The following ANKH variants were observed in gnomAD, a reference collection of about 807,000 sequenced individuals.
ANKH encodes the protein ANKH inorganic pyrophosphate transport regulator, also known as mineralization regulator ANKH.
In ANKH, 15 loss-of-function variants were observed where a neutral mutation model predicts 49.0. That is an observed-to-expected ratio of 0.31 (90% CI 0.20 to 0.47). ANKH has a LOEUF of 0.47. ANKH is among the 20% of genes least tolerant of loss of function. ANKH has a pLI of 1.00. For missense variants in ANKH, 429 were observed against 652.0 expected, an observed-to-expected ratio of 0.66 and a Z score of 3.72; for synonymous variants, 273 against 260.0, an observed-to-expected ratio of 1.05 and a Z score of -0.48.
At chr5:14,718,627 A>G (rs917315475) in intron 8 of ANKH, among the ~76,000 whole-genome samples, 2 of 152,176 alleles carry the variant, frequency 1.3e-5, no homozygotes, top group Non-Finnish European at 2.9e-5. Flanking sequence ...CCTGGCCAAC[A>G]TGGAGAAACC....
At position 14,737,486 on chromosome 5, in the gene ANKH, A is replaced by C. The variant is rs188577481; in HGVS notation, c.1011+4341T>G. Among the ~76,000 whole-genome samples, 414 of 152,290 alleles carry C rather than the reference A, an allele frequency of 2.7e-3. 3 individuals are homozygous for C. Among genetic ancestry groups the C allele is most frequent in the African/African-American group, 9.1e-3 (377 of 41,564 alleles). ...TCTACCTAGAGAAGCACAGCCTTTT[A>C]GGGCACACTCACTGTCACTGTGTTC... On this transcript the variant is annotated intron_variant, in intron 8 of 11. Transcript: ENST00000284268. This position sits in a 1 kb window ranked among gnomAD's most constrained non-coding sequence, Gnocchi z 5.0.
intron 1 of ANKH, among the ~76,000 whole-genome samples, chr5:14,776,376 G>A (rs1380349794): frequency 1.3e-5 from 2 of 152,152 alleles, no homozygotes; most frequent in Non-Finnish European, 2.9e-5. Context: ...TCTGGGCTAT[G>A]GATATACATT....
At chr5:14,767,832 A>G (rs975488424) in intron 2 of ANKH, among the ~76,000 whole-genome samples, 3 of 152,154 alleles carry the variant, frequency 2.0e-5, no homozygotes, top group Non-Finnish European at 4.4e-5. Context: ...GGCTCAGGTC[A>G]AATGTAGCAG....
intron 8 of ANKH, among the ~76,000 whole-genome samples, chr5:14,722,593 C>A (rs1737704223): frequency 6.6e-6 from 1 of 151,736 alleles, no homozygotes; most frequent in Non-Finnish European, 1.5e-5. Context: ...TCCGAATGGC[C>A]AAAGCAAAAA....
chr5:14,758,640 G>T, intron 2 of ANKH, 42 bp from the exon 3 acceptor site: 1 of 1,314,176 alleles, frequency 7.6e-7, no homozygotes, highest in Non-Finnish European at 1.1e-6. Context: ...ATTTAGAAAA[G>T]GATATCTTTA....
At position 14,843,764 on chromosome 5, in the gene ANKH, T is replaced by C. The variant is rs114944935; in HGVS notation, c.96+27588A>G. 2.6e-3 allele frequency among the ~76,000 whole-genome samples: 403 copies of C among 152,292 alleles called. 4 individuals carry two copies. The highest frequency in any genetic ancestry group is 9.3e-3 in the African/African-American group (385 of 41,554). ...GTGTGTGCTCGCTCTTGAGTTATTC[T>C]CTGGGTGAGGGAGGATGGAAAAGAA... is the stretch of plus-strand genomic sequence containing the variant. On this transcript the variant is annotated intron_variant, in intron 1 of 11. Coordinates refer to ENST00000284268, the MANE Select transcript of ANKH (RefSeq NM_054027.6).
At chr5:14,797,775 G>A (rs1740435495) in intron 1 of ANKH, 3 of 1,610,990 alleles carry the variant, frequency 1.9e-6, no homozygotes, top group Admixed American at 1.7e-5. Flanking sequence ...CTTTGGAACG[G>A]CACTGATGTC....
chr5:14,744,204 C>T (rs1738455280), intron 7 of ANKH, among the ~76,000 whole-genome samples: 1 of 152,232 alleles, frequency 6.6e-6, no homozygotes, highest in African/African-American at 2.4e-5. Context: ...TGAGTCCACT[C>T]TCAAAGGCCT....
intron 5 of ANKH, among the ~76,000 whole-genome samples, chr5:14,750,709 A>G (rs541933963): frequency 1.0e-3 from 152 of 152,332 alleles, no homozygotes; most frequent in African/African-American, 3.6e-3. Context: ...AAACACAATG[A>G]AATATAAACT....
At chr5:14,819,900 T>TATACAC (rs562130916) in intron 1 of ANKH, among the ~76,000 whole-genome samples, 1 of 145,410 alleles carries the variant, frequency 6.9e-6, no homozygotes, top group African/African-American at 2.6e-5. Flanking sequence ...AACAAAAATA[T>TATACAC]ACACACACAC....
At chr5:14,765,050 C>T (rs1041890701) in intron 2 of ANKH, among the ~76,000 whole-genome samples, 5 of 152,214 alleles carry the variant, frequency 3.3e-5, no homozygotes, top group African/African-American at 1.2e-4. Context: ...AAGGTCAGCA[C>T]GCTTTCCTCC....
chr5:14,825,757 T>C (rs1741321225), intron 1 of ANKH, among the ~76,000 whole-genome samples: 1 of 152,222 alleles, frequency 6.6e-6, no homozygotes, highest in South Asian at 2.1e-4. Flanking sequence ...TCGTGCAGAA[T>C]CTCTTAAGAA....
intron 1 of ANKH, among the ~76,000 whole-genome samples, chr5:14,863,338 C>T (rs947100104): frequency 1.3e-5 from 2 of 152,128 alleles, no homozygotes; most frequent in Non-Finnish European, 2.9e-5. Context: ...GCCAATCCCT[C>T]GGTTAAGTAC....
At chr5:14,762,189 C>A (rs1448062040) in intron 2 of ANKH, among the ~76,000 whole-genome samples, 1 of 152,210 alleles carries the variant, frequency 6.6e-6, no homozygotes, top group Non-Finnish European at 1.5e-5. Context: ...TATAATTTAA[C>A]CTCAGTTTCT....
In ANKH at chr5:14,712,223, G is replaced by A. The variant is rs115259592; in HGVS notation, c.1365+651C>T. Among the ~76,000 whole-genome samples, 1,262 of 152,346 alleles carry A rather than the reference G, an allele frequency of 8.3e-3. 21 individuals carry two copies. Among genetic ancestry groups the A allele is most frequent in the African/African-American group, 0.029 (1,185 of 41,574 alleles). ...TGTCCTGAGATGCACGTCACGCACC[G>A]TGAGCAGGCTCTCTGAGTGGCCTGG... On this transcript the variant is annotated intron_variant, in intron 11 of 11. Transcript: ENST00000284268.
At chr5:14,813,249 A>G (rs1740939859) in intron 1 of ANKH, among the ~76,000 whole-genome samples, 1 of 152,158 alleles carries the variant, frequency 6.6e-6, no homozygotes, top group Admixed American at 6.5e-5. Context: ...TTAAAAAAAA[A>G]AAAGCATGGT....
intron 1 of ANKH, among the ~76,000 whole-genome samples, chr5:14,793,963 A>C (rs1740291194): frequency 6.6e-6 from 1 of 152,264 alleles, no homozygotes; most frequent in Non-Finnish European, 1.5e-5. Flanking sequence ...CCACTGATCC[A>C]TTCTGGCCTG....
chr5:14,791,124 C>T (rs1320484230), intron 1 of ANKH, among the ~76,000 whole-genome samples: 1 of 152,216 alleles, frequency 6.6e-6, no homozygotes, highest in South Asian at 2.1e-4. Context: ...ACTTTGGCCT[C>T]TAAACCCAGC....
intron 8 of ANKH, among the ~76,000 whole-genome samples, chr5:14,717,919 T>A (rs955092315): frequency 6.6e-6 from 1 of 152,152 alleles, no homozygotes; most frequent in Admixed American, 6.5e-5. Context: ...GATTTTCGAT[T>A]TTTGGATGAG....
Sources: gnomAD v4.1 joint callset for allele counts (sites outside exome capture counted in the v4.1 genomes callset) on GRCh38, gnomAD v4.1.1 for gene constraint, Gnocchi (gnomAD v3.1) non-coding constraint, MANE v1.5 for transcripts, NCBI Gene and HGNC (gene_info 2026-07-23, HGNC 2026-07-21) for gene names.